The following EYS variants were observed in gnomAD, a reference collection of about 807,000 sequenced individuals.
EYS encodes EGF-like photoreceptor maintenance factor.
EYS carries 250 observed loss-of-function variants against 282.1 expected under a neutral mutation model. The observed-to-expected ratio is 0.89, with a 90% CI of 0.80 to 0.98. The LOEUF (loss-of-function observed/expected upper bound fraction) is 0.98. Ranked by LOEUF, EYS falls within the 50% of genes least tolerant of loss-of-function variation. EYS has a pLI of 0.00. For missense variants in EYS, 4,016 were observed against 3,709.0 expected, an observed-to-expected ratio of 1.08 and a Z score of -2.15; for synonymous variants, 1,355 against 1,282.9, an observed-to-expected ratio of 1.06 and a Z score of -1.20.
intron 13 of EYS, among the ~76,000 whole-genome samples, chr6:65,044,408 C>T (rs1773036506): frequency 1.3e-5 from 2 of 151,626 alleles, no homozygotes; most frequent in African/African-American, 4.8e-5. Context: ...TCTAATTTTG[C>T]CTTTGTTGCC....
chr6:65,193,435 G>A (rs9453222), intron 12 of EYS, among the ~76,000 whole-genome samples: 24,152 of 151,618 alleles, frequency 0.16, 2,061 homozygotes, highest in Non-Finnish European at 0.18. Flanking sequence ...ACATCGATGC[G>A]CCTTTTCAAA....
chr6:64,770,257 T>C (rs994064647), intron 22 of EYS, among the ~76,000 whole-genome samples: 1 of 151,962 alleles, frequency 6.6e-6, no homozygotes, highest in Non-Finnish European at 1.5e-5. Flanking sequence ...GGAAAGGATA[T>C]GTATATACAA....
At chr6:65,328,788 G>C (rs539318704) in intron 11 of EYS, among the ~76,000 whole-genome samples, 21 of 150,860 alleles carry the variant, frequency 1.4e-4, no homozygotes, top group Middle Eastern at 3.4e-3. Flanking sequence ...AAAATTCTAG[G>C]AATAGAAAAA....
intron 35 of EYS, among the ~76,000 whole-genome samples, chr6:63,916,503 A>G (rs1051849911): frequency 3.9e-5 from 6 of 152,084 alleles, no homozygotes; most frequent in African/African-American, 1.2e-4. Context: ...CTTTTTGGCC[A>G]TTTGTGTGTT....
At chr6:65,486,972 G>C (rs1765805291) in intron 5 of EYS, among the ~76,000 whole-genome samples, 1 of 151,976 alleles carries the variant, frequency 6.6e-6, no homozygotes, top group Admixed American at 6.6e-5. Flanking sequence ...TTGGCTCTCT[G>C]TTTGTCTGTT....
At chr6:64,911,269 A>G (rs1054760622) in intron 16 of EYS, among the ~76,000 whole-genome samples, 7 of 151,906 alleles carry the variant, frequency 4.6e-5, no homozygotes, top group African/African-American at 1.7e-4. Context: ...TTTCTTCTCT[A>G]TCTTGTTTTT....
chr6:65,233,896 C>T (rs1393553694), intron 12 of EYS, among the ~76,000 whole-genome samples: 3 of 152,090 alleles, frequency 2.0e-5, no homozygotes, highest in African/African-American at 7.2e-5. Flanking sequence ...CATGCCTTGA[C>T]CTGCTCAGAT....
chr6:64,321,819 T>C (rs760047274), intron 29 of EYS, among the ~76,000 whole-genome samples: 7 of 151,918 alleles, frequency 4.6e-5, no homozygotes, highest in Admixed American at 1.3e-4. Flanking sequence ...AACTATCACA[T>C]GTTAGTCTAT....
intron 26 of EYS, among the ~76,000 whole-genome samples, chr6:64,552,579 T>C (rs774952044): frequency 1.3e-5 from 2 of 152,184 alleles, no homozygotes; most frequent in African/African-American, 2.4e-5. Flanking sequence ...TGTTGATTCC[T>C]GATCTTTAGA....
At chr6:65,362,017 C>T (rs1167906216) in intron 8 of EYS, among the ~76,000 whole-genome samples, 1 of 152,006 alleles carries the variant, frequency 6.6e-6, no homozygotes, top group Non-Finnish European at 1.5e-5. Flanking sequence ...TAAAAGTGCA[C>T]CATAGCTAAT....
At chr6:64,740,057 TA>T (rs1261332745) in intron 22 of EYS, among the ~76,000 whole-genome samples, 1 of 152,130 alleles carries the variant, frequency 6.6e-6, no homozygotes, top group Non-Finnish European at 1.5e-5. Context: ...GAGAGGTAAC[TA>T]AATGGTAATT....
rs532572624 is a variant in EYS, at chr6:64,665,492, T to C, written c.3444-39247A>G. Among the ~76,000 whole-genome samples, 4 of 152,260 alleles carry C rather than the reference T, an allele frequency of 2.6e-5. No individual in the cohort carries two copies. The South Asian group carries it at 8.3e-4, about 32-fold the overall frequency. ...TTTTAACTTGGAGAAACAGCCCTAG[T>C]CACCATTAATATGGTCATTCTAAGT... is the stretch of plus-strand genomic sequence containing the variant. On this transcript the variant is annotated intron_variant, in intron 22 of 42. Coordinates refer to ENST00000503581, the MANE Select transcript of EYS (RefSeq NM_001142800.2).
At chr6:64,248,987 C>T (rs1767111728) in intron 30 of EYS, among the ~76,000 whole-genome samples, 2 of 144,096 alleles carry the variant, frequency 1.4e-5, no homozygotes, top group South Asian at 2.2e-4. Flanking sequence ...ATCTTGGAGG[C>T]TTGGAGGCAG....
At chr6:64,022,896 G>C (rs890227581) in intron 33 of EYS, among the ~76,000 whole-genome samples, 1 of 152,308 alleles carries the variant, frequency 6.6e-6, no homozygotes, top group South Asian at 2.1e-4. Context: ...CACCCTGTCT[G>C]TGTGTATGCC....
At chr6:63,881,501 G>A (rs1466147200) in intron 35 of EYS, among the ~76,000 whole-genome samples, 1 of 152,046 alleles carries the variant, frequency 6.6e-6, no homozygotes, top group Non-Finnish European at 1.5e-5. Flanking sequence ...ATATACTTTG[G>A]TAACTAATAT....
chr6:65,705,889 TAATAA>T, intron 1 of EYS, among the ~76,000 whole-genome samples: 1 of 152,196 alleles, frequency 6.6e-6, no homozygotes, highest in Admixed American at 6.6e-5. Context: ...TTTTTGTTGA[TAATAA>T]AAACACACTT....
At chr6:63,959,507 AT>A (rs1765963940) in intron 35 of EYS, among the ~76,000 whole-genome samples, 1 of 152,204 alleles carries the variant, frequency 6.6e-6, no homozygotes, top group Non-Finnish European at 1.5e-5. Flanking sequence ...CAATCCCATT[AT>A]TGGGTACATA....
chr6:64,653,599 T>G (rs753685403), intron 22 of EYS, among the ~76,000 whole-genome samples: 8 of 152,094 alleles, frequency 5.3e-5, no homozygotes, highest in Non-Finnish European at 1.0e-4. Flanking sequence ...AGACAGGTTC[T>G]TGTTCCCCAG....
At chr6:65,500,719 A>T (rs895042608) in intron 2 of EYS, among the ~76,000 whole-genome samples, 3 of 151,964 alleles carry the variant, frequency 2.0e-5, no homozygotes, top group Non-Finnish European at 4.4e-5. Flanking sequence ...AAGAAGAAAT[A>T]ATAGGCAGAA....
Sources: gnomAD v4.1 joint callset for allele counts (sites outside exome capture counted in the v4.1 genomes callset) on GRCh38, gnomAD v4.1.1 for gene constraint, MANE v1.5 for transcripts, NCBI Gene and HGNC (gene_info 2026-07-23, HGNC 2026-07-21) for gene names.